Variants in PCDH15 observed in about 807,000 individuals in gnomAD.
PCDH15 encodes the protein protocadherin related 15.
A neutral mutation model predicts 178.5 loss-of-function variants in PCDH15; 129 were observed. That is an observed-to-expected ratio of 0.72 (90% CI 0.63 to 0.84). PCDH15 has a LOEUF of 0.84. Among genes scored for constraint, PCDH15 ranks in the 40% least tolerant of loss-of-function variants. The pLI, the probability that PCDH15 is intolerant of heterozygous loss-of-function variation, is 0.00. For synonymous variants in PCDH15, 800 were observed against 732.0 expected (o/e 1.09, Z -1.50); for missense variants, 2,230 against 2,099.9 (o/e 1.06, Z -1.21).
rs1027872474 is a variant in PCDH15, at chr10:53,880,603, T to C, written c.3502-13746A>G. On this transcript the variant is annotated intron_variant, in intron 26 of 37. Coordinates refer to ENST00000644397, the MANE Select transcript of PCDH15 (RefSeq NM_001384140.1). ...ACAAAAAGCTCTATTACAAAAATTT[T>C]TAAAAAAACCTTTCTTATTGCTTTC... Among the ~76,000 whole-genome samples the C allele has an allele frequency of 3.4e-5, 3 of 87,674 alleles. No homozygotes were observed. In the Admixed American group the frequency reaches 4.5e-4, roughly 13 times the overall value. 57.5% of individuals were successfully genotyped at this position (87,674 alleles called of 152,430 possible).
chr10:54,847,124 G>A (rs1953531331), intron 3 of PCDH15, among the ~76,000 whole-genome samples: 1 of 151,976 alleles, frequency 6.6e-6, no homozygotes, highest in African/African-American at 2.4e-5. Flanking sequence ...CTCCCTACTG[G>A]TTCTTTTTAA....
intron 2 of PCDH15, among the ~76,000 whole-genome samples, chr10:55,140,335 CATT>C (rs1044797174): frequency 6.6e-6 from 1 of 151,914 alleles, no homozygotes; most frequent in African/African-American, 2.4e-5. Context: ...AATTTTTCAT[CATT>C]AAGTCTAATG....
At chr10:54,831,748 A>G (rs1285506622) in intron 3 of PCDH15, among the ~76,000 whole-genome samples, 1 of 152,096 alleles carries the variant, frequency 6.6e-6, no homozygotes, top group Non-Finnish European at 1.5e-5. Context: ...TTAATTTTAT[A>G]TTGTTTAGAT....
intron 25 of PCDH15, among the ~76,000 whole-genome samples, chr10:53,934,643 G>A (rs1025819070): frequency 5.9e-5 from 9 of 151,694 alleles, no homozygotes; most frequent in East Asian, 3.9e-4. Flanking sequence ...TTAATGAGAC[G>A]TGTGACACAT....
intron 3 of PCDH15, among the ~76,000 whole-genome samples, chr10:54,488,532 C>A (rs1055636532): frequency 6.6e-6 from 1 of 151,566 alleles, no homozygotes; most frequent in Non-Finnish European, 1.5e-5. Flanking sequence ...CAAATCTAAA[C>A]CCCATTTCAC....
intron 2 of PCDH15, among the ~76,000 whole-genome samples, chr10:55,338,568 G>T (rs1391040405): frequency 6.6e-6 from 1 of 152,122 alleles, no homozygotes; most frequent in Non-Finnish European, 1.5e-5. Context: ...AGGAGTTCAA[G>T]ACCAGCTTGG....
Position 55,526,846 on chromosome 10 carries a change from C to T in PCDH15, c.-156+100779G>A, listed in dbSNP as rs79660243. On this transcript the variant is annotated intron_variant, in intron 2 of 5. Transcript: ENST00000613346. ...AGAGTAGGTATTAGGTCACAAAAGCCATATCATTCAAATGAATTAGACATT... is the reference window on the plus strand; with the variant it reads ...AGAGTAGGTATTAGGTCACAAAAGCTATATCATTCAAATGAATTAGACATT... Among the ~76,000 whole-genome samples, 721 of 152,098 alleles carry T rather than the reference C, an allele frequency of 4.7e-3. 6 individuals are homozygous for T. The highest frequency in any genetic ancestry group is 0.017 in the African/African-American group (687 of 41,502).
At chr10:53,849,189 T>C (rs1368351261) in intron 28 of PCDH15, among the ~76,000 whole-genome samples, 1 of 152,138 alleles carries the variant, frequency 6.6e-6, no homozygotes, top group Non-Finnish European at 1.5e-5. Flanking sequence ...CACCTAAATG[T>C]AGCAGCCCTG....
At chr10:54,323,047 G>T (rs2133783680) in intron 7 of PCDH15, among the ~76,000 whole-genome samples, 1 of 151,966 alleles carries the variant, frequency 6.6e-6, no homozygotes, top group East Asian at 1.9e-4. Flanking sequence ...TAAAATAGGG[G>T]CAAGGGACAT....
intron 15 of PCDH15, among the ~76,000 whole-genome samples, chr10:54,110,080 T>C (rs2094988696): frequency 1.3e-5 from 2 of 152,086 alleles, no homozygotes; most frequent in Non-Finnish European, 2.9e-5. Flanking sequence ...AGTGTTGGAC[T>C]TTGAACTTGG....
At chr10:54,453,913 A>AT (rs1230072365) in intron 3 of PCDH15, among the ~76,000 whole-genome samples, 5 of 151,936 alleles carry the variant, frequency 3.3e-5, no homozygotes, top group African/African-American at 1.2e-4. Flanking sequence ...CATTTCTGTT[A>AT]TTTTTAAGCC....
At position 54,672,184 on chromosome 10, in the gene PCDH15, AT is replaced by A. The variant is rs529353624; in HGVS notation, c.-28-7895del. ...AGTTCAGAGCTCCCACTGATTTTAC[AT>A]TATGGTGAGTTGTATGATTATATCA... is the stretch of plus-strand genomic sequence containing the variant. On this transcript the variant is annotated intron_variant, in intron 1 of 37. Transcript: ENST00000644397. 5.6e-4 allele frequency among the ~76,000 whole-genome samples: 85 copies of A among 151,960 alleles called. 2 individuals carry two copies. The South Asian group carries it at 0.017, about 30-fold the overall frequency.
At chr10:54,255,881 C>T (rs1321680455) in intron 8 of PCDH15, among the ~76,000 whole-genome samples, 2 of 152,008 alleles carry the variant, frequency 1.3e-5, no homozygotes, top group Non-Finnish European at 2.9e-5. Context: ...CACCAGTTGC[C>T]CTAGAGAAAA....
intron 2 of PCDH15, among the ~76,000 whole-genome samples, chr10:55,624,657 G>T (rs1837485422): frequency 6.6e-6 from 1 of 152,078 alleles, no homozygotes; most frequent in Admixed American, 6.5e-5. Flanking sequence ...AGTACAAAAG[G>T]GGGAAATTAG....
intron 3 of PCDH15, among the ~76,000 whole-genome samples, chr10:54,436,010 AGGAGAGG>A (rs2075364352): frequency 3.5e-4 from 21 of 59,956 alleles, no homozygotes; most frequent in African/African-American, 2.0e-3. Flanking sequence ...AGAAGAGGAG[AGGAGAGG>A]AGAGGAGAGG....
chr10:54,708,343 A>T (rs2095388627), intron 1 of PCDH15, among the ~76,000 whole-genome samples: 1 of 152,186 alleles, frequency 6.6e-6, no homozygotes, highest in Non-Finnish European at 1.5e-5. Flanking sequence ...ATTTGGTATT[A>T]TATTTGCATC....
At chr10:54,541,473 A>T (rs2085215771) in intron 2 of PCDH15, among the ~76,000 whole-genome samples, 1 of 152,186 alleles carries the variant, frequency 6.6e-6, no homozygotes, top group Admixed American at 6.5e-5. Context: ...GTTTATAAAT[A>T]AACTAAAAAT....
chr10:54,788,663 A>C (rs1951110504), intron 1 of PCDH15, among the ~76,000 whole-genome samples: 2 of 151,848 alleles, frequency 1.3e-5, no homozygotes, highest in African/African-American at 4.8e-5. Context: ...AAAAATAAAC[A>C]AAAGGTGAAA....
At chr10:55,483,289 A>C (rs1565184754) in intron 2 of PCDH15, among the ~76,000 whole-genome samples, 1 of 151,876 alleles carries the variant, frequency 6.6e-6, no homozygotes, top group Non-Finnish European at 1.5e-5. Context: ...TACAAAAAAA[A>C]ATCCATAAAA....
Sources: gnomAD v4.1 joint callset for allele counts (sites outside exome capture counted in the v4.1 genomes callset) on GRCh38, gnomAD v4.1.1 for gene constraint, MANE v1.5 for transcripts, NCBI Gene and HGNC (gene_info 2026-07-23, HGNC 2026-07-21) for gene names.